PRKG1: variants seen among roughly 807,000 people sequenced by gnomAD.
PRKG1 encodes cGMP-dependent protein kinase 1.
A neutral mutation model predicts 88.1 loss-of-function variants in PRKG1; 35 were observed. That is an observed-to-expected ratio of 0.40 (90% confidence interval 0.30 to 0.53). The LOEUF is 0.53. PRKG1 is among the 20% of genes least tolerant of loss of function. The pLI is 0.59. For missense variants in PRKG1, 540 were observed against 839.8 expected (o/e 0.64, Z 4.41); for synonymous variants, 303 against 292.5 (o/e 1.04, Z -0.37).
chr10:52,159,485 A>G (rs1468808112), intron 8 of PRKG1, among the ~76,000 whole-genome samples: 2 of 151,632 alleles, frequency 1.3e-5, no homozygotes, highest in Non-Finnish European at 3.0e-5. Context: ...CTTATTTTTA[A>G]GCTCATTGGG....
intron 4 of PRKG1, among the ~76,000 whole-genome samples, chr10:51,826,321 C>T (rs541775145): frequency 1.3e-5 from 2 of 152,252 alleles, no homozygotes; most frequent in South Asian, 4.1e-4. Flanking sequence ...TGCCCCAGAT[C>T]CCATGCTGTG....
At chr10:51,048,681 A>G (rs956377024) in intron 1 of PRKG1, among the ~76,000 whole-genome samples, 15 of 152,196 alleles carry the variant, frequency 9.9e-5, no homozygotes, top group African/African-American at 3.6e-4. Flanking sequence ...TTAGTATTCA[A>G]TTAGACATAA....
chr10:52,106,185 A>T (rs1847417582), intron 7 of PRKG1, among the ~76,000 whole-genome samples: 1 of 152,160 alleles, frequency 6.6e-6, no homozygotes, highest in Non-Finnish European at 1.5e-5. Flanking sequence ...GTCAATTCAC[A>T]AGTACTTAAT....
At chr10:52,227,768 G>A (rs1840425088) in intron 9 of PRKG1, among the ~76,000 whole-genome samples, 1 of 152,172 alleles carries the variant, frequency 6.6e-6, no homozygotes, top group Admixed American at 6.6e-5. Context: ...TGCAATGATA[G>A]ATTAACAACA....
chr10:52,108,456 G>C, intron 7 of PRKG1, among the ~76,000 whole-genome samples: 1 of 152,100 alleles, frequency 6.6e-6, no homozygotes, highest in East Asian at 1.9e-4. Flanking sequence ...TTCAAACAAT[G>C]ACCTGTCAAA....
In PRKG1 at chr10:52,288,808, A is replaced by G. The variant is rs750349497; in HGVS notation, c.1792A>G (p.Ile598Val). 47 of 1,607,086 alleles carry G rather than the reference A, an allele frequency of 2.9e-5. No individual in the cohort carries two copies. The highest frequency in any genetic ancestry group is 3.8e-5 in the Non-Finnish European group (45 of 1,177,166). Residue 598 changes from isoleucine (I) to valine (V), a missense_variant, in exon 15 of 18, where the codon ATT (isoleucine) becomes GTT (valine). Ile to Val is a conservative substitution (Grantham distance 29). Transcript: ENST00000373980. ...TGACATGATAGAATTTCCAAAGAAG[A>G]TTGCCAAAAATGCTGCTAATTTAAT... ...GIDMIEFPKK[I>V]AKNAANLIKK... is the part of the protein sequence containing the mutation.
chr10:51,407,187 AT>A (rs774227282), intron 2 of PRKG1, among the ~76,000 whole-genome samples: 5 of 152,192 alleles, frequency 3.3e-5, no homozygotes, highest in Non-Finnish European at 5.9e-5. Flanking sequence ...AATACTTTGC[AT>A]CCTTCAATCC....
intron 3 of PRKG1, among the ~76,000 whole-genome samples, chr10:51,564,181 A>G (rs541890449): frequency 5.3e-4 from 80 of 152,086 alleles, no homozygotes; most frequent in African/African-American, 1.8e-3. Context: ...TTTTTTATGT[A>G]CTAAGGAGAC....
chr10:51,711,839 T>C (rs1841759603), intron 3 of PRKG1, among the ~76,000 whole-genome samples: 1 of 152,140 alleles, frequency 6.6e-6, no homozygotes, highest in African/African-American at 2.4e-5. Flanking sequence ...AATAGATAGA[T>C]CCAGAATGGC....
At chr10:51,835,041 C>T (rs1840099163) in intron 4 of PRKG1, among the ~76,000 whole-genome samples, 2 of 152,132 alleles carry the variant, frequency 1.3e-5, no homozygotes, top group African/African-American at 4.8e-5. Context: ...CCACATTAAC[C>T]AAACGCACAC....
Position 52,054,070 on chromosome 10 carries a change from A to T in PRKG1, c.763-414A>T, listed in dbSNP as rs1165960558. On this transcript the variant is annotated intron_variant, in intron 5 of 17. Transcript: ENST00000373980. ...ATTAGGAGCTCTGCTATTTTGTTTT[A>T]TGCTCAGTTGATGGGAGAAAAGAAT... Among the ~76,000 whole-genome samples, 4 of 152,322 alleles carry T rather than the reference A, an allele frequency of 2.6e-5. No individual in the cohort carries two copies. In the South Asian group the frequency reaches 6.2e-4, roughly 24 times the overall value.
intron 3 of PRKG1, among the ~76,000 whole-genome samples, chr10:51,727,176 C>A (rs1293289229): frequency 6.6e-6 from 1 of 151,728 alleles, no homozygotes; most frequent in Non-Finnish European, 1.5e-5. Context: ...CATGATGACA[C>A]ACACCTGTGG....
chr10:50,993,945 A>G lies in PRKG1; in HGVS notation c.266+2301A>G, dbSNP rs377509202. On this transcript the variant is annotated intron_variant, in intron 1 of 17. Coordinates refer to the PRKG1 transcript ENST00000401604. Reference sequence around the variant, plus strand: ...TTCCCAACATTTTCATGTTAGGGGTAGGAACATTCATCATGAGTGGATCAT... The same window carrying G: ...TTCCCAACATTTTCATGTTAGGGGTGGGAACATTCATCATGAGTGGATCAT... 7.2e-5 allele frequency among the ~76,000 whole-genome samples: 11 copies of G among 152,320 alleles called. No individual in the cohort carries two copies. In the East Asian group the frequency reaches 7.7e-4, roughly 11 times the overall value.
In PRKG1 at chr10:50,991,513, G is replaced by A. The variant is rs190880830; in HGVS notation, c.135G>A (p.Ser45=). The A allele has an allele frequency of 6.8e-6, 11 of 1,611,508 alleles. No individual in the cohort carries two copies. Among genetic ancestry groups the A allele is most frequent in the Non-Finnish European group, 9.3e-6 (11 of 1,179,032 alleles). Reference sequence around the variant, plus strand: ...AGAGGAAACTCCACAAATGCCAGTCGGTGCTCCCAGTGCCCTCGACCCACA... The same window carrying A: ...AGAGGAAACTCCACAAATGCCAGTCAGTGCTCCCAGTGCCCTCGACCCACA... Residue 45 remains serine, a synonymous_variant, in exon 1 of 18, where the codon TCG becomes TCA. Transcript: ENST00000401604. The surrounding 1 kb of genome is among the most constrained non-coding windows in gnomAD (Gnocchi z 4.5).
chr10:51,959,885 A>G (rs1843403762), intron 5 of PRKG1, among the ~76,000 whole-genome samples: 1 of 152,134 alleles, frequency 6.6e-6, no homozygotes, highest in South Asian at 2.1e-4. Context: ...GTTTTAATGT[A>G]AGGGAAATAT....
chr10:51,374,093 A>AAATATATATAT lies in PRKG1; in HGVS notation c.479-93629_479-93628insATATATATATA. ...GCTGGCAGAGGTTGCAAAAAAAAAA[A>AAATATATATAT]ATATATATATATATATATATGTACT... On this transcript the variant is annotated intron_variant, in intron 2 of 17. Transcript: ENST00000373980. Among the ~76,000 whole-genome samples, 14 of 100,184 alleles carry AAATATATATAT rather than the reference A, an allele frequency of 1.4e-4. 1 individual carries two copies. Among genetic ancestry groups the AAATATATATAT allele is most frequent in the East Asian group, 2.6e-4 (1 of 3,916 alleles). 65.7% of individuals were successfully genotyped at this position (100,184 alleles called of 152,430 possible).
chr10:51,434,330 G>A (rs965204881), intron 2 of PRKG1, among the ~76,000 whole-genome samples: 5 of 152,208 alleles, frequency 3.3e-5, no homozygotes, highest in Admixed American at 1.3e-4. Context: ...GCCAAAAGAC[G>A]AAGTAGCGAT....
At chr10:51,154,712 A>G (rs768756570) in intron 2 of PRKG1, among the ~76,000 whole-genome samples, 3 of 152,020 alleles carry the variant, frequency 2.0e-5, no homozygotes, top group Middle Eastern at 3.4e-3. Flanking sequence ...TTCACCTTCT[A>G]TGTCAACAAT....
chr10:52,180,746 A>G (rs1022743809), intron 9 of PRKG1, among the ~76,000 whole-genome samples: 7 of 152,034 alleles, frequency 4.6e-5, no homozygotes, highest in African/African-American at 1.7e-4. Context: ...GCTGTTTCTC[A>G]GGTTAGGAGC....
Sources: allele counts gnomAD v4.1 joint callset (sites outside exome capture counted in the v4.1 genomes callset), GRCh38; gene constraint gnomAD v4.1.1; non-coding constraint Gnocchi (gnomAD v3.1); transcripts MANE v1.5; gene names NCBI Gene and HGNC (gene_info 2026-07-23, HGNC 2026-07-21).